The following GTF3C2 variants were observed in gnomAD, a reference collection of about 807,000 sequenced individuals.
GTF3C2 encodes general transcription factor 3C polypeptide 2.
A neutral mutation model predicts 117.4 loss-of-function variants in GTF3C2; 17 were observed. That is an observed-to-expected ratio of 0.14 (90% CI 0.10 to 0.22). The LOEUF (loss-of-function observed/expected upper bound fraction) is 0.22, where lower values mean the gene tolerates loss of function less well. GTF3C2 is among the 10% of genes least tolerant of loss of function. The pLI is 1.00. For missense variants in GTF3C2, 888 were observed against 1,143.6 expected (o/e 0.78, Z 3.22); for synonymous variants, 437 against 427.0 (o/e 1.02, Z -0.29).
chr2:27,329,479 G>A lies in GTF3C2; in HGVS notation c.1777C>T (p.Arg593Trp), dbSNP rs758285292. ...AAGGAGCCATCAGAGAGCCGTATCC[G>A]CTGCAGGGGTGAGTTAGTGGGAAGG... The change falls in exon 13 of 19, where the codon CGG becomes TGG. Residue 593 changes from arginine (R) to tryptophan (W), a missense_variant. Physicochemically the swap from Arg to Trp is moderately radical, Grantham distance 101 (BLOSUM62 -3). Coordinates refer to ENST00000264720, the Ensembl canonical transcript of GTF3C2. The surrounding 1 kb of genome is among the most constrained non-coding windows in gnomAD (Gnocchi z 4.5). The A allele has an allele frequency of 4.3e-6, 7 of 1,613,854 alleles. No homozygotes were observed. Among genetic ancestry groups the A allele is most frequent in the Middle Eastern group, 1.6e-4 (1 of 6,084 alleles).
exon 8 of GTF3C2, chr2:27,336,291 G>C: frequency 6.2e-7 from 1 of 1,614,092 alleles, no homozygotes; most frequent in Non-Finnish European, 8.5e-7. Flanking sequence ...ATTCATGTCA[G>C]GGCTGGAGAA....
chr2:27,345,642 T>G (rs1232152887), intron 1 of GTF3C2, among the ~76,000 whole-genome samples: 1 of 151,930 alleles, frequency 6.6e-6, no homozygotes, highest in Non-Finnish European at 1.5e-5. Flanking sequence ...CTATCAATAT[T>G]TCACCTGGAT....
At chr2:27,356,386 C>G in intron 1 of GTF3C2, 2 of 273,132 alleles carry the variant, frequency 7.3e-6, no homozygotes, top group Non-Finnish European at 7.7e-6. Flanking sequence ...CTAGCCTGTG[C>G]GGGAGAGGAG....
chr2:27,328,637 T>G (rs749823709), intron 15 of GTF3C2, 41 bp from the exon 16 acceptor site: 3 of 1,555,566 alleles, frequency 1.9e-6, no homozygotes, highest in Non-Finnish European at 2.7e-6. Context: ...ATATATTCAT[T>G]CAGAGCTATG....
At chr2:27,336,068 A>C in intron 8 of GTF3C2, 40 bp from the exon 9 acceptor site, 1 of 1,450,554 alleles carries the variant, frequency 6.9e-7, no homozygotes, top group Non-Finnish European at 9.7e-7. Context: ...GGTAGGAAGA[A>C]GGGACGCAGG....
chr2:27,349,207 G>C (rs1681033961), intron 1 of GTF3C2, among the ~76,000 whole-genome samples: 1 of 148,482 alleles, frequency 6.7e-6, no homozygotes, highest in East Asian at 2.0e-4. Context: ...CAGTGCAGTG[G>C]CGCGATTTCG....
Position 27,329,112 on chromosome 2 carries a change from T to C in GTF3C2, c.2039+9A>G. ...TGTCCCTAGAGGTCCTATCTCCATC[T>C]TGCCGTACGAGGCATAGCAGTTGTC... On this transcript the variant is annotated intron_variant, in intron 14 of 18. Transcript: ENST00000264720. The surrounding 1 kb of genome is among the most constrained non-coding windows in gnomAD (Gnocchi z 4.5). The C allele has an allele frequency of 3.1e-6, 5 of 1,613,938 alleles. No homozygotes were observed. Among genetic ancestry groups the C allele is most frequent in the Non-Finnish European group, 4.2e-6 (5 of 1,179,838 alleles).
At chr2:27,332,079 A>G (rs142096714) in intron 12 of GTF3C2, among the ~76,000 whole-genome samples, 59 of 152,326 alleles carry the variant, frequency 3.9e-4, no homozygotes, top group African/African-American at 1.3e-3. Context: ...AGCTTAGCCA[A>G]TATTTCAGTG....
rs1255458932 is a variant in GTF3C2, at chr2:27,335,859, G to A, written c.1467+58C>T. The A allele has an allele frequency of 6.5e-6, 8 of 1,233,194 alleles. No individual in the cohort carries two copies. In the South Asian group the frequency reaches 8.6e-5, roughly 13 times the overall value. 76.4% of individuals were successfully genotyped at this position (1,233,194 alleles called of 1,614,324 possible). On this transcript the variant is annotated intron_variant, in intron 9 of 18. Transcript: ENST00000264720. ...GTTCCTTCAACTCTAAGAATTCCCA[G>A]GGCCTCTTTGTCCTGGCTTTGAGTC...
At chr2:27,347,382 T>C (rs1329379224) in intron 1 of GTF3C2, among the ~76,000 whole-genome samples, 3 of 152,138 alleles carry the variant, frequency 2.0e-5, no homozygotes, top group African/African-American at 7.2e-5. Context: ...TTATAAACTA[T>C]AGCAATGGCC....
intron 10 of GTF3C2, 184 bp downstream of exon 10, chr2:27,335,414 G>GT (rs757419571): frequency 1.7e-5 from 12 of 711,266 alleles, no homozygotes; most frequent in African/African-American, 3.5e-5. Flanking sequence ...GAGTACAGCT[G>GT]TAAGACTGCA....
At chr2:27,347,626 A>G (rs993221984) in intron 1 of GTF3C2, among the ~76,000 whole-genome samples, 6 of 152,274 alleles carry the variant, frequency 3.9e-5, no homozygotes, top group African/African-American at 1.4e-4. Context: ...GAAGTGATTC[A>G]GAAAACAGAA....
intron 1 of GTF3C2, among the ~76,000 whole-genome samples, chr2:27,344,483 C>T (rs186721744): frequency 4.0e-5 from 6 of 151,420 alleles, no homozygotes; most frequent in African/African-American, 7.3e-5. Context: ...TGAAATAAAA[C>T]ACACACACAC....
intron 1 of GTF3C2, among the ~76,000 whole-genome samples, chr2:27,346,330 C>CTTTTTTTTTTTTT (rs144256545): frequency 1.6e-5 from 1 of 64,354 alleles, no homozygotes; most frequent in African/African-American, 5.9e-5. Flanking sequence ...ATTCTGATAC[C>CTTTTTTTTTTTTT]TTTTTTTTTT....
Position 27,328,198 on chromosome 2 carries a change from G to T in GTF3C2, c.2257-9C>A. On this transcript the variant is annotated splice_polypyrimidine_tract_variant and intron_variant, in intron 16 of 18. Transcript: ENST00000264720. Reference sequence around the variant, plus strand: ...TCTGCTTTATATATAGGCTGGAAAGGAGACCATGAAATTAGGTTCTATAAT... The same window carrying T: ...TCTGCTTTATATATAGGCTGGAAAGTAGACCATGAAATTAGGTTCTATAAT... 2 of 1,563,322 alleles carry T rather than the reference G, an allele frequency of 1.3e-6. No individual in the cohort carries two copies. The highest frequency in any genetic ancestry group is 2.4e-5 in the South Asian group (2 of 84,358).
At chr2:27,332,649 C>T (rs1042694921) in intron 12 of GTF3C2, among the ~76,000 whole-genome samples, 15 of 150,794 alleles carry the variant, frequency 9.9e-5, no homozygotes, top group Admixed American at 2.0e-4. Flanking sequence ...ATCCTGACCT[C>T]GTGATCTGCC....
In GTF3C2 at chr2:27,348,171, G is replaced by T. The variant is rs1012096559; in HGVS notation, c.-24-4593C>A. On this transcript the variant is annotated intron_variant, in intron 1 of 18. Transcript: ENST00000264720. ...AATCCCAGCTACTTGGGAGGCTGAC[G>T]CAGGAGAACTGCTTGAACCCGGGAG... 2.0e-5 allele frequency among the ~76,000 whole-genome samples: 3 copies of T among 151,978 alleles called. No individual in the cohort carries two copies. The East Asian group carries it at 5.8e-4, about 29-fold the overall frequency.
intron 1 of GTF3C2, among the ~76,000 whole-genome samples, chr2:27,355,643 T>C (rs999202738): frequency 1.3e-5 from 2 of 152,142 alleles, no homozygotes; most frequent in Non-Finnish European, 2.9e-5. Flanking sequence ...AACCTTCCAT[T>C]GCACCCCAAT....
chr2:27,335,446 A>G (rs1680427661), intron 10 of GTF3C2, 152 bp downstream of exon 10: 1 of 715,580 alleles, frequency 1.4e-6, no homozygotes, highest in Admixed American at 2.0e-5. Flanking sequence ...GCTCAAGAAC[A>G]AACCTGAGTC....
Sources: allele counts gnomAD v4.1 joint callset (sites outside exome capture counted in the v4.1 genomes callset), GRCh38; gene constraint gnomAD v4.1.1; non-coding constraint Gnocchi (gnomAD v3.1); transcripts MANE v1.5; gene names NCBI Gene and HGNC (gene_info 2026-07-23, HGNC 2026-07-21).